The following HMGB1 variants were observed in gnomAD, a reference collection of about 807,000 sequenced individuals.
The protein encoded by HMGB1 is high mobility group protein B1.
For synonymous variants in HMGB1, 81 were observed against 84.0 expected (o/e 0.96, Z 0.19); for missense variants, 79 against 253.5 (o/e 0.31, Z 4.67).
At chr13:30,474,935 CTTTT>C (rs1195259479) in intron 1 of HMGB1, among the ~76,000 whole-genome samples, 1 of 91,234 alleles carries the variant, frequency 1.1e-5, no homozygotes, top group African/African-American at 4.1e-5. Flanking sequence ...CTCTCTTTCT[CTTTT>C]TTTTTTCTTT....
At chr13:30,587,489 AAT>A (rs770626522) in intron 1 of HMGB1, among the ~76,000 whole-genome samples, 22 of 152,144 alleles carry the variant, frequency 1.4e-4, no homozygotes, top group Non-Finnish European at 2.4e-4. Flanking sequence ...ACCCAGCAGA[AAT>A]ATTTAGCTTT....
At position 30,538,566 on chromosome 13, in the gene HMGB1, CTTT is replaced by C. The variant is rs1343502948; in HGVS notation, c.-14-74875_-14-74873del. On this transcript the variant is annotated intron_variant, in intron 1 of 4. Coordinates refer to the HMGB1 transcript ENST00000405805. ...CTTTCTTTCTTTCTTTTTCTTTCTT[CTTT>C]TTCTTTCTTTCTTTCTTTTTCTTTC... Among the ~76,000 whole-genome samples, 12 of 67,474 alleles carry C rather than the reference CTTT, an allele frequency of 1.8e-4. 1 individual carries two copies. The highest frequency in any genetic ancestry group is 9.3e-4 in the African/African-American group (11 of 11,830). The allele number at this position is 67,474 out of a possible 152,430, so 44.3% of individuals were successfully genotyped here.
intron 1 of HMGB1, among the ~76,000 whole-genome samples, chr13:30,553,490 AGTATGGTAATGACTTCATAGGG>A (rs1869528952): frequency 6.6e-6 from 1 of 152,214 alleles, no homozygotes; most frequent in Admixed American, 6.5e-5. Flanking sequence ...ACTTTATAGG[AGTATGGTAATGACTTCATAGGG>A]GTATGGTAAT....
chr13:30,499,427 C>A (rs958034753), intron 1 of HMGB1, among the ~76,000 whole-genome samples: 5 of 152,164 alleles, frequency 3.3e-5, no homozygotes, highest in African/African-American at 1.2e-4. Flanking sequence ...GAAAGTCTCT[C>A]GATCATTACT....
intron 1 of HMGB1, among the ~76,000 whole-genome samples, chr13:30,592,863 C>CT (rs1255636514): frequency 1.1e-3 from 156 of 141,104 alleles, no homozygotes; most frequent in Admixed American, 5.9e-3. Flanking sequence ...AAATTTAGTG[C>CT]TTTTTTTTAA....
At chr13:30,591,803 A>G (rs77901920) in intron 1 of HMGB1, among the ~76,000 whole-genome samples, 2,696 of 152,300 alleles carry the variant, frequency 0.018, 81 homozygotes, top group African/African-American at 0.062. Context: ...ATGTAAGACT[A>G]CCTAGTCAAC....
At chr13:30,461,679 A>G (rs1313738063) in intron 4 of HMGB1, 146 bp from the exon 5 acceptor site, 2 of 1,582,422 alleles carry the variant, frequency 1.3e-6, no homozygotes, top group South Asian at 1.1e-5. Flanking sequence ...AACTCCAGAA[A>G]TAACTAGAAC....
chr13:30,520,100 T>C (rs1253921099), intron 1 of HMGB1, among the ~76,000 whole-genome samples: 4 of 152,284 alleles, frequency 2.6e-5, no homozygotes, highest in South Asian at 2.1e-4. Flanking sequence ...GGCAGGAGGA[T>C]CACTGGAGCT....
chr13:30,475,105 A>G (rs1429803301), intron 1 of HMGB1, among the ~76,000 whole-genome samples: 3 of 96,924 alleles, frequency 3.1e-5, no homozygotes, highest in African/African-American at 4.3e-5. Context: ...CAGTGGTGCA[A>G]CCTTGGCTCA....
At chr13:30,529,028 C>CAAAAA (rs59654057) in intron 1 of HMGB1, among the ~76,000 whole-genome samples, 24 of 53,536 alleles carry the variant, frequency 4.5e-4, no homozygotes, top group African/African-American at 1.1e-3. Context: ...GACTGCGTCT[C>CAAAAA]AAAAAAAAAA....
intron 1 of HMGB1, among the ~76,000 whole-genome samples, chr13:30,561,302 T>C (rs1019133959): frequency 2.0e-5 from 3 of 152,112 alleles, no homozygotes; most frequent in African/African-American, 7.2e-5. Flanking sequence ...ATTAAGATCA[T>C]GGAGGTAGCT....
intron 3 of HMGB1, 119 bp from the exon 4 acceptor site, chr13:30,462,831 G>A (rs2137397645): frequency 2.6e-6 from 2 of 766,542 alleles, no homozygotes; most frequent in Non-Finnish European, 4.3e-6. Flanking sequence ...CATTGGACAG[G>A]GTGCAAATAC....
At chr13:30,511,369 G>A (rs1887988821) in intron 1 of HMGB1, among the ~76,000 whole-genome samples, 1 of 152,144 alleles carries the variant, frequency 6.6e-6, no homozygotes, top group Non-Finnish European at 1.5e-5. Context: ...GGTAATGAGT[G>A]AGAGCTGGTT....
chr13:30,583,839 A>AAAAGAAAG (rs753686706), intron 1 of HMGB1, among the ~76,000 whole-genome samples: 11,946 of 137,090 alleles, frequency 0.087, 603 homozygotes, highest in African/African-American at 0.11. Context: ...AAAAAAAAAA[A>AAAAGAAAG]AAAGAAAGAA....
At position 30,532,376 on chromosome 13, in the gene HMGB1, T is replaced by G. The variant is rs551480099; in HGVS notation, c.-14-68682A>C. Among the ~76,000 whole-genome samples the G allele has an allele frequency of 3.8e-4, 58 of 151,750 alleles. 1 individual carries two copies. The highest frequency in any genetic ancestry group is 1.3e-3 in the African/African-American group (55 of 41,356). ...AATGGGGTCAGGATTTTGCAACTTG[T>G]TTTTTTTCCACTAAGCAGTGACGCA... On this transcript the variant is annotated intron_variant, in intron 1 of 4. Coordinates refer to the HMGB1 transcript ENST00000405805.
chr13:30,578,258 C>A (rs1474021283), intron 1 of HMGB1, among the ~76,000 whole-genome samples: 1 of 151,456 alleles, frequency 6.6e-6, no homozygotes, highest in Admixed American at 6.6e-5. Context: ...ATACCTTTTG[C>A]AAGCCTTTAT....
At chr13:30,463,138 G>A in intron 3 of HMGB1, 69 bp downstream of exon 3, 1 of 1,436,952 alleles carries the variant, frequency 7.0e-7, no homozygotes. Flanking sequence ...TGACAAAGTA[G>A]CTTGCTAAAT....
intron 1 of HMGB1, among the ~76,000 whole-genome samples, chr13:30,518,286 G>C (rs1488353867): frequency 6.6e-6 from 1 of 152,246 alleles, no homozygotes; most frequent in Non-Finnish European, 1.5e-5. Context: ...GCCGTGAGCT[G>C]TGTTCACGCT....
chr13:30,502,861 A>G (rs984514417), intron 1 of HMGB1, among the ~76,000 whole-genome samples: 1 of 151,944 alleles, frequency 6.6e-6, no homozygotes, highest in Non-Finnish European at 1.5e-5. Flanking sequence ...TTTTTAATAG[A>G]GATGGGGTTT....
Sources: gnomAD v4.1 joint callset for allele counts (sites outside exome capture counted in the v4.1 genomes callset) on GRCh38, gnomAD v4.1.1 for gene constraint, MANE v1.5 for transcripts, NCBI Gene and HGNC (gene_info 2026-07-23, HGNC 2026-07-21) for gene names.